PRSS58: variants seen among roughly 807,000 people sequenced by gnomAD.
PRSS58 encodes the protein protease, serine 58.
Under a neutral mutation model 25.0 loss-of-function variants are expected in PRSS58, and 31 were observed. That is an observed-to-expected ratio of 1.24 (90% confidence interval 0.93 to 1.67). PRSS58 has a LOEUF of 1.67. PRSS58 is among the 40% of genes most tolerant of loss of function. The pLI is 0.00. For synonymous variants in PRSS58, 119 were observed against 106.1 expected, an observed-to-expected ratio of 1.12 and a Z score of -0.75; for missense variants, 324 against 287.9, an observed-to-expected ratio of 1.13 and a Z score of -0.91.
chr7:142,257,070 G>A (rs1227716476), intron 2 of PRSS58, among the ~76,000 whole-genome samples: 1 of 152,188 alleles, frequency 6.6e-6, no homozygotes, highest in Admixed American at 6.5e-5. Flanking sequence ...GTGCAAAGGA[G>A]TGATGACAGT....
At chr7:142,255,696 G>T in intron 2 of PRSS58, 23 bp from the exon 3 acceptor site, 1 of 1,566,878 alleles carries the variant, frequency 6.4e-7, no homozygotes, top group Non-Finnish European at 8.7e-7. Flanking sequence ...GCATAGACAA[G>T]AAATTCCAAG....
rs926265298 is a variant in PRSS58, at chr7:142,255,561, CACCCAAAGCGGG to C, written c.141_152del (p.His47_Val51delinsGln). 1.2e-6 allele frequency: 2 copies of C among 1,614,072 alleles called. No individual in the cohort carries two copies. The highest frequency in any genetic ancestry group is 2.7e-5 in the African/African-American group (2 of 75,026). ...GTAAATTGCAGTGTGCAGCTGTGATCACCCAAAGCGGGTGGATCAGGACTCCAGCGCAGGGCA... is the reference window on the plus strand; with the variant it reads ...GTAAATTGCAGTGTGCAGCTGTGATCTGGATCAGGACTCCAGCGCAGGGCA... On this transcript the variant is annotated inframe_deletion, in exon 3 of 6. Transcript: ENST00000547058.
At chr7:142,255,470 G>T in intron 3 of PRSS58, 65 bp downstream of exon 3, 1 of 1,603,130 alleles carries the variant, frequency 6.2e-7, no homozygotes, top group Non-Finnish European at 8.5e-7. Context: ...CTCAGACAGG[G>T]GTGAGAGTCT....
chr7:142,257,750 T>C lies in PRSS58; in HGVS notation c.-41-2A>G. 1 of 1,531,790 alleles carries C rather than the reference T, an allele frequency of 6.5e-7. No homozygotes were observed. Among genetic ancestry groups the C allele is most frequent in the Non-Finnish European group, 9.0e-7 (1 of 1,106,532 alleles). 94.9% of individuals were successfully genotyped at this position (1,531,790 alleles called of 1,614,324 possible). ...AGTTTAGCTCCAGTCTCTGGAAAAC[T>C]GGGAAGAGAGAGAGAAAACAACTAA... On this transcript the variant is annotated splice_acceptor_variant, in intron 1 of 5. Coordinates refer to ENST00000547058, the MANE Select transcript of PRSS58 (RefSeq NM_001001317.5). LOFTEE classifies it low-confidence loss of function (5UTR_SPLICE).
intron 2 of PRSS58, among the ~76,000 whole-genome samples, chr7:142,256,924 G>A (rs1484698290): frequency 6.6e-6 from 1 of 152,178 alleles, no homozygotes; most frequent in Non-Finnish European, 1.5e-5. Flanking sequence ...ACATCACAGA[G>A]GCCATGGCTG....
chr7:142,255,792 T>C, intron 2 of PRSS58, 119 bp from the exon 3 acceptor site: 2 of 762,878 alleles, frequency 2.6e-6, no homozygotes, highest in Non-Finnish European at 4.0e-6. Flanking sequence ...CAACTTTATC[T>C]GTAAAATGAC....
At position 142,257,735 on chromosome 7, in the gene PRSS58, C is replaced by T. The variant is rs1353950078; in HGVS notation, c.-28G>A. 2 of 1,601,366 alleles carry T rather than the reference C, an allele frequency of 1.2e-6. No homozygotes were observed. Among genetic ancestry groups the T allele is most frequent in the Non-Finnish European group, 1.7e-6 (2 of 1,169,054 alleles). On this transcript the variant is annotated 5_prime_UTR_variant, in exon 2 of 6. The change creates a premature stop within an existing upstream ORF in the 5' untranslated region. Transcript: ENST00000547058. ...TGATGTTGAAAGCCCAGTTTAGCTC[C>T]AGTCTCTGGAAAACTGGGAAGAGAG...
intron 4 of PRSS58, among the ~76,000 whole-genome samples, chr7:142,253,046 G>A (rs1197752904): frequency 6.6e-6 from 1 of 152,162 alleles, no homozygotes; most frequent in Non-Finnish European, 1.5e-5. Flanking sequence ...AATTAGCTGG[G>A]CGTGGTGATG....
chr7:142,252,690 C>T, intron 4 of PRSS58, 79 bp from the exon 5 acceptor site: 1 of 1,441,382 alleles, frequency 6.9e-7, no homozygotes, highest in East Asian at 2.3e-5. Flanking sequence ...TTTTCTTCTT[C>T]TACCATCAGA....
rs757192640 is a variant in PRSS58 at position 142,255,229 on chromosome 7, T to C, written c.262A>G (p.Ile88Val). 6.2e-7 allele frequency: 1 copy of C among 1,613,884 alleles called. No individual in the cohort carries two copies. The highest frequency in any genetic ancestry group is 8.5e-7 in the Non-Finnish European group (1 of 1,179,764). The part of the protein sequence containing the change: ...HLQVIGYEKM[I>V]HHPHFSVTSI... ...GTGACTGAGAAGTGTGGATGATGAA[T>C]CATCTTCTCATAGCCAATCACTTGC... Residue 88 changes from isoleucine to valine, a missense_variant, in exon 4 of 6, where the codon ATT (isoleucine) becomes GTT (valine). Physicochemically the swap from Ile to Val is conservative, Grantham distance 29. Transcript: ENST00000547058.
chr7:142,252,628 A>G lies in PRSS58; in HGVS notation c.437-17T>C. The G allele has an allele frequency of 6.3e-7, 1 of 1,596,946 alleles. No homozygotes were observed. Among genetic ancestry groups the G allele is most frequent in the Non-Finnish European group, 8.5e-7 (1 of 1,175,958 alleles). ...GCTCTTTGTCTAAAGAAAAGATAGA[A>G]GTCAAACTTCCTTAAGAGTTTTGTT... On this transcript the variant is annotated splice_polypyrimidine_tract_variant and intron_variant, in intron 4 of 5. Coordinates refer to ENST00000547058, the MANE Select transcript of PRSS58 (RefSeq NM_001001317.5).
At position 142,255,090 on chromosome 7, in the gene PRSS58, G is replaced by A. The variant is rs1323204460; in HGVS notation, c.401C>T (p.Ser134Phe). The A allele has an allele frequency of 5.0e-6, 8 of 1,613,934 alleles. No homozygotes were observed. The highest frequency in any genetic ancestry group is 1.3e-5 in the African/African-American group (1 of 74,936). Residue 134 changes from serine (S) to phenylalanine (F), a missense_variant, in exon 4 of 6, where the codon TCT becomes TTT. Transcript: ENST00000547058. Reference protein sequence around the residue: ...YQTISENTMCSVSTWSYNVCD... With the variant: ...YQTISENTMCFVSTWSYNVCD... ...CACATTGTAGCTCCAGGTAGAGACA[G>A]AGCACATGGTATTTTCAGAGATAGT...
chr7:142,255,833 A>G (rs531652434), intron 2 of PRSS58, among the ~76,000 whole-genome samples, 160 bp from the exon 3 acceptor site: 2 of 152,356 alleles, frequency 1.3e-5, no homozygotes, highest in East Asian at 3.9e-4. Flanking sequence ...AAGAAAAGAC[A>G]AATGGTAGAA....
intron 4 of PRSS58, among the ~76,000 whole-genome samples, chr7:142,253,048 G>T (rs751705097): frequency 6.6e-6 from 1 of 152,144 alleles, no homozygotes; most frequent in Non-Finnish European, 1.5e-5. Flanking sequence ...TTAGCTGGGC[G>T]TGGTGATGAG....
In PRSS58 at chr7:142,252,653, T is replaced by C. The variant is rs752286443; in HGVS notation, c.437-42A>G. 6.3e-6 allele frequency: 10 copies of C among 1,577,930 alleles called. No individual in the cohort carries two copies. The South Asian group carries it at 1.2e-4, about 19-fold the overall frequency. Reference sequence around the variant, plus strand: ...AGTCAAACTTCCTTAAGAGTTTTGTTAGGTATTAAAACTTCTTTTAAAAAA... The same window carrying C: ...AGTCAAACTTCCTTAAGAGTTTTGTCAGGTATTAAAACTTCTTTTAAAAAA... On this transcript the variant is annotated intron_variant, in intron 4 of 5. Coordinates refer to ENST00000547058, the MANE Select transcript of PRSS58 (RefSeq NM_001001317.5).
At chr7:142,255,743 C>T in intron 2 of PRSS58, 70 bp from the exon 3 acceptor site, 1 of 1,395,710 alleles carries the variant, frequency 7.2e-7, no homozygotes, top group Admixed American at 2.3e-5. Flanking sequence ...TCAGGAAAGT[C>T]ATTTAATAGG....
In PRSS58 at chr7:142,252,493, T is replaced by C. The variant is rs144200781; in HGVS notation, c.555A>G (p.Pro185=). The change falls in exon 5 of 6, where the codon CCA becomes CCG. Residue 185 remains proline (P), a synonymous_variant. Coordinates refer to ENST00000547058, the MANE Select transcript of PRSS58 (RefSeq NM_001001317.5). ...TTACCTTGCAGGGCTGCCTCCTTCC[T>C]GGCACAATGCCCACACACAGCATAT... ...TENMLCVGIV[P]GRRQPCKEVS... 272 of 1,613,974 alleles carry C rather than the reference T, an allele frequency of 1.7e-4. 1 individual carries two copies. Among genetic ancestry groups the C allele is most frequent in the Non-Finnish European group, 2.4e-5 (28 of 1,180,012 alleles).
At chr7:142,255,382 TC>T in intron 3 of PRSS58, 71 bp from the exon 4 acceptor site, 1 of 1,583,500 alleles carries the variant, frequency 6.3e-7, no homozygotes, top group Admixed American at 1.7e-5. Flanking sequence ...GCCTCTATTA[TC>T]CCTCCCCACA....
intron 3 of PRSS58, 47 bp from the exon 4 acceptor site, chr7:142,255,358 C>G: frequency 8.8e-6 from 14 of 1,597,992 alleles, no homozygotes; most frequent in Non-Finnish European, 1.2e-5. Flanking sequence ...GAGATGGCTT[C>G]TCCATCATTA....
Sources: gnomAD v4.1 joint callset for allele counts (sites outside exome capture counted in the v4.1 genomes callset) on GRCh38, gnomAD v4.1.1 for gene constraint, MANE v1.5 for transcripts, NCBI Gene and HGNC (gene_info 2026-07-23, HGNC 2026-07-21) for gene names.